GPR158: variants seen among roughly 807,000 people sequenced by gnomAD.
GPR158 encodes G protein-coupled receptor 158.
GPR158 carries 30 observed loss-of-function variants against 78.2 expected under a neutral mutation model. That is an observed-to-expected ratio of 0.38 (90% CI 0.29 to 0.52). The LOEUF is 0.52. GPR158 is among the 20% of genes least tolerant of loss of function. GPR158 has a pLI of 0.83. For synonymous variants in GPR158, 581 were observed against 591.1 expected, an observed-to-expected ratio of 0.98 and a Z score of 0.25; for missense variants, 1,463 against 1,523.5, an observed-to-expected ratio of 0.96 and a Z score of 0.66.
chr10:25,258,738 T>A (rs1229767405), intron 2 of GPR158, among the ~76,000 whole-genome samples: 1 of 152,106 alleles, frequency 6.6e-6, no homozygotes, highest in East Asian at 1.9e-4. Context: ...GCAACTATAG[T>A]TAACTATTGA....
intron 2 of GPR158, among the ~76,000 whole-genome samples, chr10:25,224,907 T>C (rs1238285810): frequency 1.3e-5 from 2 of 152,158 alleles, no homozygotes; most frequent in Non-Finnish European, 2.9e-5. Context: ...ATGTTAAATA[T>C]ATTAAAGCAG....
chr10:25,289,299 A>G (rs1485895353), intron 2 of GPR158, among the ~76,000 whole-genome samples: 1 of 152,246 alleles, frequency 6.6e-6, no homozygotes, highest in East Asian at 1.9e-4. Context: ...GACATGCAAT[A>G]AAATGTATTA....
intron 7 of GPR158, 45 bp from the exon 8 acceptor site, chr10:25,588,962 T>G (rs1377137242): frequency 1.5e-6 from 2 of 1,373,944 alleles, no homozygotes; most frequent in African/African-American, 1.4e-5. Context: ...AGAATTTTAT[T>G]TCTTCACCTA....
chr10:25,387,216 C>T (rs1468599418), intron 2 of GPR158, among the ~76,000 whole-genome samples: 2 of 152,170 alleles, frequency 1.3e-5, no homozygotes, highest in African/African-American at 4.8e-5. Context: ...GCTTTCTCTG[C>T]ATCACTTGAG....
intron 1 of GPR158, among the ~76,000 whole-genome samples, chr10:25,180,624 C>T (rs921238526): frequency 6.6e-6 from 1 of 152,142 alleles, no homozygotes; most frequent in Non-Finnish European, 1.5e-5. Flanking sequence ...TGCCTCAAGT[C>T]CCAGTTTTGT....
At chr10:25,411,858 C>T (rs1365186633) in intron 3 of GPR158, among the ~76,000 whole-genome samples, 1 of 134,038 alleles carries the variant, frequency 7.5e-6, no homozygotes, top group African/African-American at 2.8e-5. Context: ...GGTGTGAACC[C>T]AGGAGGCGGA....
chr10:25,441,895 A>T (rs1835073148), intron 4 of GPR158, among the ~76,000 whole-genome samples: 1 of 152,196 alleles, frequency 6.6e-6, no homozygotes, highest in Admixed American at 6.5e-5. Context: ...AAACCAAGTG[A>T]AGATGTGTTC....
At chr10:25,576,657 G>A (rs984554809) in intron 7 of GPR158, among the ~76,000 whole-genome samples, 1 of 152,116 alleles carries the variant, frequency 6.6e-6, no homozygotes, top group Non-Finnish European at 1.5e-5. Flanking sequence ...GCAATAACCA[G>A]GTCTCAGTTA....
At chr10:25,465,257 G>T (rs1835406522) in intron 4 of GPR158, among the ~76,000 whole-genome samples, 1 of 152,048 alleles carries the variant, frequency 6.6e-6, no homozygotes, top group Non-Finnish European at 1.5e-5. Flanking sequence ...TTTACACCAC[G>T]TGTAATTTCT....
At chr10:25,383,100 G>A (rs1381495131) in intron 2 of GPR158, among the ~76,000 whole-genome samples, 1 of 152,176 alleles carries the variant, frequency 6.6e-6, no homozygotes, top group Non-Finnish European at 1.5e-5. Context: ...CTCCCAAAGT[G>A]CTGGGATTAC....
chr10:25,193,885 TAA>T (rs111919496), intron 1 of GPR158, among the ~76,000 whole-genome samples: 187 of 115,536 alleles, frequency 1.6e-3, no homozygotes, highest in South Asian at 5.6e-3. Context: ...GGTAAAGGGG[TAA>T]AAAAAAAAAA....
intron 5 of GPR158, among the ~76,000 whole-genome samples, chr10:25,540,758 C>A (rs1836568065): frequency 6.6e-6 from 1 of 150,550 alleles, no homozygotes; most frequent in Non-Finnish European, 1.5e-5. Context: ...CACTTGGACA[C>A]AGGAAGGGGA....
intron 3 of GPR158, among the ~76,000 whole-genome samples, chr10:25,401,957 A>C (rs543331603): frequency 6.6e-6 from 1 of 152,270 alleles, no homozygotes; most frequent in African/African-American, 2.4e-5. Context: ...AGAAACTTTG[A>C]TAAGATACAA....
intron 4 of GPR158, among the ~76,000 whole-genome samples, chr10:25,462,141 G>C (rs1835365777): frequency 6.6e-6 from 1 of 152,168 alleles, no homozygotes; most frequent in South Asian, 2.1e-4. Flanking sequence ...GTGACTTTAA[G>C]TTAAAGCCAA....
intron 1 of GPR158, among the ~76,000 whole-genome samples, chr10:25,214,607 C>T (rs956776450): frequency 2.0e-5 from 3 of 151,988 alleles, no homozygotes; most frequent in Non-Finnish European, 2.9e-5. Context: ...ATTGTGTTCT[C>T]CAAAATTGAT....
chr10:25,200,405 C>G (rs949193609), intron 1 of GPR158, among the ~76,000 whole-genome samples: 18 of 152,222 alleles, frequency 1.2e-4, no homozygotes, highest in African/African-American at 4.1e-4. Flanking sequence ...CTTATAGATT[C>G]TGGATATTAG....
rs1192093706 is a variant in GPR158, at chr10:25,187,238, T to A, written c.902+10916T>A. On this transcript the variant is annotated intron_variant, in intron 1 of 10. Transcript: ENST00000376351. ...TCTTGGCCTCCCAAAGTGCTGGGAT[T>A]ACAGGCGTTAGCCACCGCGTCCGGC... 3.3e-5 allele frequency among the ~76,000 whole-genome samples: 5 copies of A among 151,904 alleles called. No homozygotes were observed. The South Asian group carries it at 1.0e-3, about 32-fold the overall frequency.
intron 6 of GPR158, among the ~76,000 whole-genome samples, chr10:25,560,134 G>A (rs1489083517): frequency 6.6e-6 from 1 of 152,152 alleles, no homozygotes; most frequent in East Asian, 1.9e-4. Flanking sequence ...CTCAGCAACT[G>A]TTACGTACTC....
intron 2 of GPR158, among the ~76,000 whole-genome samples, chr10:25,333,867 A>T (rs971262011): frequency 6.6e-6 from 1 of 152,080 alleles, no homozygotes; most frequent in Non-Finnish European, 1.5e-5. Context: ...AGAGCTTCTT[A>T]TTTGACATCA....
Sources: gnomAD v4.1 joint callset for allele counts (sites outside exome capture counted in the v4.1 genomes callset) on GRCh38, gnomAD v4.1.1 for gene constraint, MANE v1.5 for transcripts, NCBI Gene and HGNC (gene_info 2026-07-23, HGNC 2026-07-21) for gene names.